The following PRKG1 variants were observed in gnomAD, a reference collection of about 807,000 sequenced individuals.
PRKG1 encodes the protein cGMP-dependent protein kinase 1.
A neutral mutation model predicts 88.1 loss-of-function variants in PRKG1; 35 were observed. That is an observed-to-expected ratio of 0.40 (90% CI 0.30 to 0.53). PRKG1 has a LOEUF of 0.53. Ranked by LOEUF, PRKG1 falls within the 20% of genes least tolerant of loss-of-function variation. The pLI, the probability that PRKG1 is intolerant of heterozygous loss-of-function variation, is 0.59. For missense variants in PRKG1, 540 were observed against 839.8 expected, an observed-to-expected ratio of 0.64 and a Z score of 4.41; for synonymous variants, 303 against 292.5, an observed-to-expected ratio of 1.04 and a Z score of -0.37.
intron 3 of PRKG1, among the ~76,000 whole-genome samples, chr10:51,638,738 GTAA>G (rs1589151862): frequency 6.6e-6 from 1 of 152,198 alleles, no homozygotes; most frequent in East Asian, 1.9e-4. Flanking sequence ...GAAGCAGGAA[GTAA>G]TCATTTGTCG....
chr10:51,880,405 G>A (rs1841408240), intron 4 of PRKG1, among the ~76,000 whole-genome samples: 1 of 152,106 alleles, frequency 6.6e-6, no homozygotes, highest in Non-Finnish European at 1.5e-5. Flanking sequence ...TAAGTCTACT[G>A]GCTCTGCTCT....
At chr10:51,112,167 G>T (rs573391380) in intron 1 of PRKG1, among the ~76,000 whole-genome samples, 1 of 152,004 alleles carries the variant, frequency 6.6e-6, no homozygotes, top group Non-Finnish European at 1.5e-5. Context: ...TGGCAGTTGC[G>T]GTCTCAAATC....
chr10:51,221,636 G>A (rs1838534223), intron 2 of PRKG1, among the ~76,000 whole-genome samples: 2 of 150,676 alleles, frequency 1.3e-5, no homozygotes, highest in East Asian at 1.9e-4. Context: ...AAAAAGATTG[G>A]CAAACTTTTT....
chr10:52,120,740 G>C (rs1024642755), intron 7 of PRKG1, among the ~76,000 whole-genome samples: 1 of 152,126 alleles, frequency 6.6e-6, no homozygotes, highest in Non-Finnish European at 1.5e-5. Flanking sequence ...CTGTGTCTTT[G>C]CTGGCTTTAG....
chr10:51,653,845 G>A (rs753145293), intron 3 of PRKG1, among the ~76,000 whole-genome samples: 1 of 152,188 alleles, frequency 6.6e-6, no homozygotes, highest in Non-Finnish European at 1.5e-5. Flanking sequence ...TAGGATTACA[G>A]GCATGAGCCA....
rs545562062 is a variant in PRKG1 at position 51,637,022 on chromosome 10, G to C, written c.593-167563G>C. ...TGGACATCTTGTGATGATCCAATATGGTGGTTCATTTTTGAGGCTTTTCTT... is the reference window on the plus strand; with the variant it reads ...TGGACATCTTGTGATGATCCAATATCGTGGTTCATTTTTGAGGCTTTTCTT... On this transcript the variant is annotated intron_variant, in intron 3 of 17. Coordinates refer to ENST00000373980, the MANE Select transcript of PRKG1 (RefSeq NM_006258.4). Among the ~76,000 whole-genome samples, 79 of 152,056 alleles carry C rather than the reference G, an allele frequency of 5.2e-4. 2 individuals carry two copies. Among genetic ancestry groups the C allele is most frequent in the Non-Finnish European group, 1.6e-4 (11 of 68,018 alleles).
Position 52,271,489 on chromosome 10 carries a change from G to A in PRKG1, c.1313G>A (p.Arg438Lys). The A allele has an allele frequency of 6.2e-7, 1 of 1,611,642 alleles. No individual in the cohort carries two copies. Among genetic ancestry groups the A allele is most frequent in the Non-Finnish European group, 8.5e-7 (1 of 1,178,588 alleles). Residue 438 changes from arginine to lysine, a missense_variant and splice_region_variant, in exon 11 of 18, where the codon AGA becomes AAA. By Grantham distance (26) the Arg-to-Lys change is conservative. Around this residue, in one of 5 missense-constraint regions of PRKG1, gnomAD observed 400 missense variants for 562.7 expected, o/e 0.71. Transcript: ENST00000373980. ...GGGGCTCATTCCGATTTCATAGTGA[G>A]GTAAAGGCTCCATGCCAGGGACAGA... ...MQGAHSDFIVRLYRTFKDSKY... is the reference protein window; with the variant it reads ...MQGAHSDFIVKLYRTFKDSKY...
chr10:52,056,101 C>T lies in PRKG1; in HGVS notation c.840+1540C>T, dbSNP rs1297838077. On this transcript the variant is annotated intron_variant, in intron 6 of 17. Coordinates refer to ENST00000373980, the MANE Select transcript of PRKG1 (RefSeq NM_006258.4). ...TCAAGGCTGACTTCTTAAAAGATAT[C>T]ATGAAATGACATGTCTGACCACGGT... Among the ~76,000 whole-genome samples the T allele has an allele frequency of 6.6e-5, 10 of 152,096 alleles. No individual in the cohort carries two copies. The South Asian group carries it at 8.3e-4, about 13-fold the overall frequency.
At chr10:51,748,479 T>G (rs535404515) in intron 3 of PRKG1, among the ~76,000 whole-genome samples, 7 of 152,356 alleles carry the variant, frequency 4.6e-5, no homozygotes, top group African/African-American at 1.7e-4. Flanking sequence ...TAATTGTATT[T>G]TCTACAGAAA....
intron 2 of PRKG1, among the ~76,000 whole-genome samples, chr10:51,284,351 A>T (rs1564428718): frequency 6.6e-6 from 1 of 152,196 alleles, no homozygotes; most frequent in Non-Finnish European, 1.5e-5. Context: ...CACTTTACGT[A>T]CTAGGAAGCT....
chr10:51,076,713 A>T (rs1353370692), intron 1 of PRKG1, among the ~76,000 whole-genome samples: 1 of 152,212 alleles, frequency 6.6e-6, no homozygotes, highest in Non-Finnish European at 1.5e-5. Flanking sequence ...TTTGTACATG[A>T]CTTGTAGAAT....
At chr10:51,454,413 A>G (rs1839523388) in intron 2 of PRKG1, among the ~76,000 whole-genome samples, 1 of 150,286 alleles carries the variant, frequency 6.7e-6, no homozygotes, top group South Asian at 2.1e-4. Context: ...GACCAATGGA[A>G]CAGAATAGAG....
intron 3 of PRKG1, among the ~76,000 whole-genome samples, chr10:51,483,670 G>A (rs1840438518): frequency 6.6e-6 from 1 of 152,184 alleles, no homozygotes; most frequent in Non-Finnish European, 1.5e-5. Flanking sequence ...TGTGTGACAG[G>A]CCTTCAAGGT....
intron 14 of PRKG1, among the ~76,000 whole-genome samples, chr10:52,284,855 G>C (rs3793783): frequency 4.6e-5 from 7 of 152,110 alleles, no homozygotes; most frequent in Admixed American, 1.3e-4. Flanking sequence ...GGAGTGAAAA[G>C]GGGGAGAGAG....
chr10:51,380,230 G>A (rs1176954230), intron 2 of PRKG1, among the ~76,000 whole-genome samples: 1 of 152,084 alleles, frequency 6.6e-6, no homozygotes, highest in African/African-American at 2.4e-5. Flanking sequence ...GGTATAGGGA[G>A]CCTGCTTACT....
intron 2 of PRKG1, among the ~76,000 whole-genome samples, chr10:51,287,776 G>A (rs1408005561): frequency 1.3e-5 from 2 of 152,108 alleles, no homozygotes; most frequent in South Asian, 2.1e-4. Flanking sequence ...ATCCTCCACA[G>A]TTATTAAACT....
chr10:51,048,023 T>A (rs1170490070), intron 1 of PRKG1, among the ~76,000 whole-genome samples: 1 of 152,180 alleles, frequency 6.6e-6, no homozygotes, highest in East Asian at 1.9e-4. Context: ...TAGCCAGAAG[T>A]GGCCTGTGAT....
At chr10:51,767,942 T>C (rs1159037684) in intron 3 of PRKG1, among the ~76,000 whole-genome samples, 1 of 152,044 alleles carries the variant, frequency 6.6e-6, no homozygotes, top group Non-Finnish European at 1.5e-5. Flanking sequence ...GAGAAATGCC[T>C]GTATTGCATT....
chr10:52,297,040 G>A lies in PRKG1; in HGVS notation c.*3140G>A, dbSNP rs1047605592. 2.0e-5 allele frequency: 3 copies of A among 151,976 alleles called. No individual in the cohort carries two copies. The highest frequency in any genetic ancestry group is 4.4e-5 in the Non-Finnish European group (3 of 67,968). 9.4% of individuals were successfully genotyped at this position (151,976 alleles called of 1,614,324 possible). On this transcript the variant is annotated 3_prime_UTR_variant, in exon 18 of 18. Coordinates refer to ENST00000373980, the MANE Select transcript of PRKG1 (RefSeq NM_006258.4). The stretch of plus-strand genomic sequence containing the variant: ...AAGTCAGCTACCATGTTGAAAATAA[G>A]GATATTAGAACTGATTTCATACAAT...
Sources: gnomAD v4.1 joint callset for allele counts (sites outside exome capture counted in the v4.1 genomes callset) on GRCh38, gnomAD v4.1.1 for gene constraint, gnomAD v4.1.1 regional missense constraint, MANE v1.5 for transcripts, NCBI Gene and HGNC (gene_info 2026-07-23, HGNC 2026-07-21) for gene names.